Variants in APOD observed in about 807,000 individuals in gnomAD.
APOD encodes apo-D.
APOD carries 22 observed loss-of-function variants against 20.4 expected under a neutral mutation model. The ratio of observed to expected loss-of-function variants is 1.08; its 90% confidence interval spans 0.77 to 1.54. The LOEUF (loss-of-function observed/expected upper bound fraction) is 1.54, where lower values mean the gene tolerates loss of function less well. Among genes scored for constraint, APOD ranks in the 40% most tolerant of loss-of-function variants. The pLI is 0.00. For missense variants in APOD, 223 were observed against 229.6 expected, an observed-to-expected ratio of 0.97 and a Z score of 0.19; for synonymous variants, 97 against 92.4, an observed-to-expected ratio of 1.05 and a Z score of -0.29.
Position 195,576,400 on chromosome 3 carries a change from T to C in APOD, c.124-2429A>G, listed in dbSNP as rs568581900. Among the ~76,000 whole-genome samples the C allele has an allele frequency of 9.8e-5, 15 of 152,354 alleles. 1 individual carries two copies. The South Asian group carries it at 3.1e-3, about 32-fold the overall frequency. ...AAAAGAAGAGGTAAAACTCTATCTGTTTGCAGATGACATATAAAATATCCT... is the reference window on the plus strand; with the variant it reads ...AAAAGAAGAGGTAAAACTCTATCTGCTTGCAGATGACATATAAAATATCCT... On this transcript the variant is annotated intron_variant, in intron 2 of 4. Coordinates refer to ENST00000343267, the MANE Select transcript of APOD (RefSeq NM_001647.4).
intron 4 of APOD, among the ~76,000 whole-genome samples, chr3:195,569,751 C>A (rs533906070): frequency 1.5e-4 from 22 of 148,156 alleles, no homozygotes; most frequent in Non-Finnish European, 2.8e-4. Context: ...CACTCCCAGG[C>A]TCTAGGCCTC....
chr3:195,583,781 A>G (rs1720379831), intron 1 of APOD, 97 bp downstream of exon 1: 1 of 152,232 alleles, frequency 6.6e-6, no homozygotes, highest in Non-Finnish European at 1.5e-5. Flanking sequence ...AATCAGTGGT[A>G]GTTATATGTA....
At chr3:195,576,565 T>C (rs1175578894) in intron 2 of APOD, among the ~76,000 whole-genome samples, 2 of 152,200 alleles carry the variant, frequency 1.3e-5, no homozygotes, top group African/African-American at 2.4e-5. Flanking sequence ...ATCCCAGGAC[T>C]TTGGGAGGCC....
chr3:195,580,002 C>A (rs1030759597), intron 1 of APOD, among the ~76,000 whole-genome samples: 43 of 152,152 alleles, frequency 2.8e-4, no homozygotes, highest in African/African-American at 1.0e-3. Context: ...ACCATCCCTC[C>A]CCCTGCCCTC....
chr3:195,574,949 T>G (rs368798714), intron 2 of APOD, among the ~76,000 whole-genome samples: 1 of 152,202 alleles, frequency 6.6e-6, no homozygotes, highest in South Asian at 2.1e-4. Flanking sequence ...ATTACGTTGG[T>G]TTTCTGTTGC....
intron 4 of APOD, among the ~76,000 whole-genome samples, chr3:195,570,424 G>A (rs1720140355): frequency 6.6e-6 from 1 of 152,198 alleles, no homozygotes; most frequent in African/African-American, 2.4e-5. Context: ...TACATGTGAA[G>A]TTAGTTGTCC....
At chr3:195,571,936 C>T (rs1298625544) in intron 3 of APOD, among the ~76,000 whole-genome samples, 3 of 152,082 alleles carry the variant, frequency 2.0e-5, no homozygotes, top group East Asian at 1.9e-4. Context: ...TGCACCACCA[C>T]GCCTGGCTAA....
At chr3:195,580,936 T>C (rs73067970) in intron 1 of APOD, among the ~76,000 whole-genome samples, 3,745 of 152,300 alleles carry the variant, frequency 0.025, 135 homozygotes, top group African/African-American at 0.078. Context: ...CTCCTTTCCT[T>C]GTGACTCCTT....
At chr3:195,569,212 C>T (rs1720116412) in intron 4 of APOD, 77 bp from the exon 5 acceptor site, 2 of 1,251,774 alleles carry the variant, frequency 1.6e-6, no homozygotes, top group Non-Finnish European at 2.3e-6. Flanking sequence ...AAGGCTGGCC[C>T]AGACAACCAC....
At chr3:195,571,447 A>G in intron 3 of APOD, 82 bp from the exon 4 acceptor site, 1 of 1,331,948 alleles carries the variant, frequency 7.5e-7, no homozygotes, top group Non-Finnish European at 1.1e-6. Flanking sequence ...ATAAGCAACG[A>G]AAGGCAAGAT....
rs1165597591 is a variant in APOD at position 195,577,118 on chromosome 3, C to T, written c.123+2221G>A. 24 of 327,284 alleles carry T rather than the reference C, an allele frequency of 7.3e-5. No individual in the cohort carries two copies. The East Asian group carries it at 9.3e-4, about 13-fold the overall frequency. 20.3% of individuals were successfully genotyped at this position (327,284 alleles called of 1,614,324 possible). The stretch of plus-strand genomic sequence containing the variant: ...AGGAGAATTGCTTGAACCCGGGAGG[C>T]GGAGGTTGCAGTGAGCCAAGATGGT... On this transcript the variant is annotated intron_variant, in intron 2 of 4. Coordinates refer to ENST00000343267, the MANE Select transcript of APOD (RefSeq NM_001647.4).
At chr3:195,578,544 C>T (rs1462276899) in intron 2 of APOD, among the ~76,000 whole-genome samples, 1 of 152,144 alleles carries the variant, frequency 6.6e-6, no homozygotes, top group Non-Finnish European at 1.5e-5. Context: ...TCCTGTCCTC[C>T]AATAGCTGCC....
intron 3 of APOD, among the ~76,000 whole-genome samples, chr3:195,571,697 C>T (rs79201837): frequency 0.069 from 10,559 of 152,172 alleles, 494 homozygotes; most frequent in South Asian, 0.19. Flanking sequence ...GCCTGAAAGA[C>T]CAATTCCTGC....
At chr3:195,576,646 TA>T (rs1720253204) in intron 2 of APOD, among the ~76,000 whole-genome samples, 1 of 151,464 alleles carries the variant, frequency 6.6e-6, no homozygotes, top group Non-Finnish European at 1.5e-5. Context: ...CCCATCTCTA[TA>T]AAAAATTTAA....
intron 1 of APOD, among the ~76,000 whole-genome samples, chr3:195,580,491 G>T (rs1720319398): frequency 6.6e-6 from 1 of 151,546 alleles, no homozygotes; most frequent in African/African-American, 2.4e-5. Flanking sequence ...TGCAACCTCT[G>T]TCTCCCGGGT....
rs1264639172 is a variant in APOD at position 195,583,896 on chromosome 3, G to C, written c.-53C>G. 6.6e-6 allele frequency: 1 copy of C among 152,130 alleles called. No homozygotes were observed. The highest frequency in any genetic ancestry group is 2.4e-5 in the African/African-American group (1 of 41,416). 9.4% of individuals were successfully genotyped at this position (152,130 alleles called of 1,614,324 possible). A position where few individuals can be genotyped will look rare whatever the true frequency, so the allele number is the denominator to read the frequency against. ...TACATACCTTTTCTTTCAAGATGAAGGCAGTTTCCAGATGCAGAATCAGCC... is the reference window on the plus strand; with the variant it reads ...TACATACCTTTTCTTTCAAGATGAACGCAGTTTCCAGATGCAGAATCAGCC... On this transcript the variant is annotated 5_prime_UTR_variant, in exon 1 of 5. Transcript: ENST00000343267.
At chr3:195,579,888 G>A (rs889410988) in intron 1 of APOD, among the ~76,000 whole-genome samples, 2 of 152,154 alleles carry the variant, frequency 1.3e-5, no homozygotes, top group Non-Finnish European at 2.9e-5. Context: ...ATGTAAAGTG[G>A]GGGATTAAAG....
intron 2 of APOD, among the ~76,000 whole-genome samples, chr3:195,578,611 T>C (rs1370413273): frequency 6.6e-6 from 1 of 152,038 alleles, no homozygotes; most frequent in East Asian, 1.9e-4. Context: ...AAAGACCATC[T>C]ATGGAGGAGC....
intron 2 of APOD, among the ~76,000 whole-genome samples, chr3:195,575,300 T>C (rs1000148184): frequency 6.6e-6 from 1 of 152,198 alleles, no homozygotes; most frequent in African/African-American, 2.4e-5. Flanking sequence ...TTAGATTGAG[T>C]TCCCCTGGAT....
Sources: gnomAD v4.1 joint callset for allele counts (sites outside exome capture counted in the v4.1 genomes callset) on GRCh38, gnomAD v4.1.1 for gene constraint, MANE v1.5 for transcripts, NCBI Gene and HGNC (gene_info 2026-07-23, HGNC 2026-07-21) for gene names.